Variants in NCKAP5 observed in about 807,000 individuals in gnomAD.
The protein encoded by NCKAP5 is NCK associated protein 5, also known as nck-associated protein 5.
NCKAP5 carries 92 observed loss-of-function variants against 167.0 expected under a neutral mutation model. The observed-to-expected ratio is 0.55, with a 90% CI of 0.47 to 0.66. The LOEUF (loss-of-function observed/expected upper bound fraction) is 0.66. Among genes scored for constraint, NCKAP5 ranks in the 30% least tolerant of loss-of-function variants. The pLI is 0.00. For synonymous variants in NCKAP5, 891 were observed against 877.4 expected (o/e 1.02, Z -0.27); for missense variants, 2,378 against 2,315.0 (o/e 1.03, Z -0.56).
intron 8 of NCKAP5, among the ~76,000 whole-genome samples, chr2:132,960,265 A>T (rs2076472048): frequency 6.6e-6 from 1 of 152,176 alleles, no homozygotes; most frequent in African/African-American, 2.4e-5. Flanking sequence ...GAATGAGCCC[A>T]TGACATGGCA....
intron 4 of NCKAP5, among the ~76,000 whole-genome samples, chr2:133,291,362 G>A (rs1377304631): frequency 2.6e-5 from 4 of 152,178 alleles, no homozygotes; most frequent in Non-Finnish European, 5.9e-5. Flanking sequence ...CAGAGTCACT[G>A]TTACATGTTT....
At chr2:133,124,034 C>T (rs1328939815) in intron 6 of NCKAP5, among the ~76,000 whole-genome samples, 1 of 152,188 alleles carries the variant, frequency 6.6e-6, no homozygotes, top group Non-Finnish European at 1.5e-5. Flanking sequence ...TCTCCATTTA[C>T]GACTCCTTGA....
intron 8 of NCKAP5, among the ~76,000 whole-genome samples, chr2:132,945,569 G>A (rs1697655351): frequency 6.6e-6 from 1 of 152,050 alleles, no homozygotes; most frequent in South Asian, 2.1e-4. Context: ...AGAGCCCACA[G>A]CACCCAGTGT....
chr2:132,820,460 A>C lies in NCKAP5; in HGVS notation c.808-23731T>G, dbSNP rs1208185529. ...AGCCAGGATGGTCTCGATCTCCTGA[A>C]CTTGTGATCTGCCCGCCTTGGCCTC... On this transcript the variant is annotated intron_variant, in intron 11 of 19. Transcript: ENST00000409261. 7.2e-5 allele frequency among the ~76,000 whole-genome samples: 11 copies of C among 152,038 alleles called. No individual in the cohort carries two copies. The East Asian group carries it at 9.7e-4, about 13-fold the overall frequency.
chr2:132,904,274 T>G (rs1287061603), intron 8 of NCKAP5, among the ~76,000 whole-genome samples: 1 of 149,454 alleles, frequency 6.7e-6, no homozygotes, highest in African/African-American at 2.5e-5. Context: ...GGCAACAGAG[T>G]GAGACTGTCT....
At chr2:133,603,565 G>GAGTC in the NCKAP5 span, among the ~76,000 whole-genome samples, 3 of 148,940 alleles carry the variant, frequency 2.0e-5, no homozygotes, top group Non-Finnish European at 3.0e-5. Flanking sequence ...TTTTGAGACG[G>GAGTC]AGTCTTGCTC....
intron 6 of NCKAP5, among the ~76,000 whole-genome samples, chr2:133,020,832 G>T (rs1417726846): frequency 6.6e-6 from 1 of 152,156 alleles, no homozygotes; most frequent in African/African-American, 2.4e-5. Flanking sequence ...ATTGTGAAAG[G>T]TGGAGAAGCA....
intron 11 of NCKAP5, among the ~76,000 whole-genome samples, chr2:132,808,255 G>T (rs1440775512): frequency 2.0e-5 from 3 of 152,046 alleles, no homozygotes; most frequent in Admixed American, 2.0e-4. Flanking sequence ...TTTGGTATTA[G>T]GGTGATGCTG....
At chr2:132,800,007 C>A (rs2105192006) in intron 11 of NCKAP5, among the ~76,000 whole-genome samples, 1 of 152,236 alleles carries the variant, frequency 6.6e-6, no homozygotes, top group Admixed American at 6.5e-5. Flanking sequence ...AACTACATTT[C>A]TTATGACAAG....
At chr2:133,247,604 T>A (rs189438002) in intron 4 of NCKAP5, among the ~76,000 whole-genome samples, 4 of 152,164 alleles carry the variant, frequency 2.6e-5, no homozygotes, top group African/African-American at 4.8e-5. Context: ...TGGGACAACA[T>A]CCATGAATAG....
intron 5 of NCKAP5, among the ~76,000 whole-genome samples, chr2:133,133,727 A>G (rs2082689304): frequency 6.6e-6 from 1 of 152,232 alleles, no homozygotes; most frequent in Non-Finnish European, 1.5e-5. Flanking sequence ...AGAATATTTT[A>G]CATTTTACAA....
rs192783958 is a variant in NCKAP5, at chr2:133,091,336, T to A, written c.341+38642A>T. Among the ~76,000 whole-genome samples, 32 of 152,284 alleles carry A rather than the reference T, an allele frequency of 2.1e-4. 1 individual carries two copies. Among genetic ancestry groups the A allele is most frequent in the African/African-American group, 6.3e-4 (26 of 41,568 alleles). Reference sequence around the variant, plus strand: ...CCTTTCCTGTCCCTCTCCAGCTAAGTGAGATTCCACCACATGAGCTGGAAT... The same window carrying A: ...CCTTTCCTGTCCCTCTCCAGCTAAGAGAGATTCCACCACATGAGCTGGAAT... On this transcript the variant is annotated intron_variant, in intron 6 of 19. Coordinates refer to ENST00000409261, the MANE Select transcript of NCKAP5 (RefSeq NM_207363.3).
At chr2:133,213,859 G>C in intron 4 of NCKAP5, 80 bp from the exon 5 acceptor site, 1 of 1,326,272 alleles carries the variant, frequency 7.5e-7, no homozygotes, top group Non-Finnish European at 1.1e-6. Context: ...ACATTCTTTT[G>C]AGGTCTCTAG....
rs532634784 is a variant in NCKAP5, at chr2:133,139,177, T to A, written c.208-9066A>T. 6.6e-5 allele frequency among the ~76,000 whole-genome samples: 10 copies of A among 152,286 alleles called. No homozygotes were observed. In the East Asian group the frequency reaches 7.7e-4, roughly 12 times the overall value. ...TGTGTCTCTTCTAATCATTGGAAGG[T>A]TCCCTCCATCTGGAAGATTCTAAAT... On this transcript the variant is annotated intron_variant, in intron 5 of 19. Coordinates refer to ENST00000409261, the MANE Select transcript of NCKAP5 (RefSeq NM_207363.3).
chr2:132,889,584 G>T (rs1035321356), intron 8 of NCKAP5, among the ~76,000 whole-genome samples: 2 of 152,112 alleles, frequency 1.3e-5, no homozygotes, highest in African/African-American at 4.8e-5. Context: ...GTAGGAAAGA[G>T]GTGACCGACC....
At chr2:133,489,430 A>G (rs1187517985) in intron 3 of NCKAP5, among the ~76,000 whole-genome samples, 2 of 152,298 alleles carry the variant, frequency 1.3e-5, no homozygotes, top group East Asian at 1.9e-4. Flanking sequence ...CGGAGAATAC[A>G]CAGTCATCCA....
intron 11 of NCKAP5, among the ~76,000 whole-genome samples, chr2:132,797,731 C>T (rs1445813944): frequency 6.6e-6 from 1 of 152,156 alleles, no homozygotes; most frequent in Non-Finnish European, 1.5e-5. Context: ...ATGTTAGAAT[C>T]ATCTTAGAGG....
intron 6 of NCKAP5, among the ~76,000 whole-genome samples, chr2:133,083,058 G>C (rs989022497): frequency 3.3e-5 from 5 of 152,232 alleles, no homozygotes; most frequent in East Asian, 1.9e-4. Flanking sequence ...CCAGCTGCAG[G>C]ATACCCTGTG....
At chr2:133,245,562 A>C (rs964680885) in intron 4 of NCKAP5, among the ~76,000 whole-genome samples, 1 of 152,068 alleles carries the variant, frequency 6.6e-6, no homozygotes, top group Non-Finnish European at 1.5e-5. Context: ...AGGTGTTTTC[A>C]CTTTGTGAAA....
Sources: allele counts gnomAD v4.1 joint callset (sites outside exome capture counted in the v4.1 genomes callset), GRCh38; gene constraint gnomAD v4.1.1; transcripts MANE v1.5; gene names NCBI Gene and HGNC (gene_info 2026-07-23, HGNC 2026-07-21).